The following SHISA9 variants were observed in gnomAD, a reference collection of about 807,000 sequenced individuals.
SHISA9 encodes the protein shisa family member 9.
SHISA9 carries 13 observed loss-of-function variants against 38.0 expected under a neutral mutation model. The ratio of observed to expected loss-of-function variants is 0.34; its 90% CI spans 0.22 to 0.54. The LOEUF is 0.54. Among genes scored for constraint, SHISA9 ranks in the 20% least tolerant of loss-of-function variants. The pLI is 0.91. For synonymous variants in SHISA9, 275 were observed against 242.0 expected, an observed-to-expected ratio of 1.14 and a Z score of -1.27; for missense variants, 538 against 575.8, an observed-to-expected ratio of 0.93 and a Z score of 0.67.
chr16:12,979,469 C>T (rs1206177200), intron 2 of SHISA9, among the ~76,000 whole-genome samples: 1 of 152,132 alleles, frequency 6.6e-6, no homozygotes, highest in African/African-American at 2.4e-5. Flanking sequence ...TGAGCCCATG[C>T]TCCAAACGAA....
At chr16:13,233,126 C>T (rs553199905) in intron 4 of SHISA9, among the ~76,000 whole-genome samples, 2 of 152,144 alleles carry the variant, frequency 1.3e-5, no homozygotes, top group South Asian at 2.1e-4. Flanking sequence ...AAGTAAGTCA[C>T]GATATATAGC....
the SHISA9 span, among the ~76,000 whole-genome samples, chr16:13,514,048 G>A: frequency 6.6e-6 from 1 of 152,142 alleles, no homozygotes; most frequent in African/African-American, 2.4e-5. Flanking sequence ...AGGCTGGAGT[G>A]CAGTGGCATG....
At position 13,001,505 on chromosome 16, in the gene SHISA9, A is replaced by G. The variant is rs913335670; in HGVS notation, c.691+84690A>G. Among the ~76,000 whole-genome samples the G allele has an allele frequency of 7.2e-5, 11 of 152,198 alleles. No homozygotes were observed. The East Asian group carries it at 2.1e-3, about 29-fold the overall frequency. ...AAGAATCTCCTCTAGAGAATTTAAA[A>G]TTGCAATGCCCCAAACTAATCTATG... On this transcript the variant is annotated intron_variant, in intron 2 of 4. Coordinates refer to ENST00000558583, the MANE Select transcript of SHISA9 (RefSeq NM_001145204.3).
intron 2 of SHISA9, among the ~76,000 whole-genome samples, chr16:13,163,779 A>G (rs1219885013): frequency 6.6e-6 from 1 of 152,080 alleles, no homozygotes; most frequent in Non-Finnish European, 1.5e-5. Flanking sequence ...TTAAATTTCA[A>G]TAGTCCATTA....
At chr16:13,450,772 T>TTTGTTGTTG in the SHISA9 span, among the ~76,000 whole-genome samples, 1 of 152,064 alleles carries the variant, frequency 6.6e-6, no homozygotes, top group Admixed American at 6.6e-5. Flanking sequence ...GTGTTGTTGT[T>TTTGTTGTTG]TTGTTGTTGT....
chr16:13,512,894 A>G, the SHISA9 span, among the ~76,000 whole-genome samples: 1 of 152,300 alleles, frequency 6.6e-6, no homozygotes, highest in South Asian at 2.1e-4. Context: ...AAAACCCAAA[A>G]CTATAAAAAC....
At chr16:13,088,030 T>C (rs2073732829) in intron 2 of SHISA9, among the ~76,000 whole-genome samples, 1 of 152,232 alleles carries the variant, frequency 6.6e-6, no homozygotes, top group Admixed American at 6.5e-5. Context: ...AGTTTCAGCT[T>C]TCTACATATG....
chr16:13,281,134 G>C, the SHISA9 span, among the ~76,000 whole-genome samples: 18 of 151,762 alleles, frequency 1.2e-4, no homozygotes, highest in African/African-American at 4.1e-4. Context: ...CAGAGATGAA[G>C]ATGGAGATGG....
chr16:13,279,753 A>C, the SHISA9 span, among the ~76,000 whole-genome samples: 1 of 151,898 alleles, frequency 6.6e-6, no homozygotes, highest in Admixed American at 6.6e-5. Context: ...CCCTGTGGTC[A>C]TGTCAGTATT....
chr16:12,913,299 C>G (rs948289931), intron 1 of SHISA9, among the ~76,000 whole-genome samples: 2 of 152,142 alleles, frequency 1.3e-5, no homozygotes, highest in South Asian at 2.1e-4. Flanking sequence ...TGGGTTCAAG[C>G]AATTCTCCTG....
chr16:12,948,716 G>A (rs999648080), intron 2 of SHISA9, among the ~76,000 whole-genome samples: 7 of 152,152 alleles, frequency 4.6e-5, no homozygotes, highest in Admixed American at 2.6e-4. Flanking sequence ...AGCTAATCAC[G>A]TCTGAAGGCC....
chr16:13,484,848 C>A, the SHISA9 span, among the ~76,000 whole-genome samples: 1 of 152,106 alleles, frequency 6.6e-6, no homozygotes, highest in African/African-American at 2.4e-5. Context: ...AGAACAGCAG[C>A]AAGGGGGACG....
intron 2 of SHISA9, among the ~76,000 whole-genome samples, chr16:12,985,667 T>C (rs1466688815): frequency 1.3e-5 from 2 of 151,998 alleles, no homozygotes. Context: ...TCCCTAAGGG[T>C]TTGGGATGAC....
chr16:13,194,185 C>T (rs12708766), intron 2 of SHISA9, among the ~76,000 whole-genome samples: 77,962 of 151,712 alleles, frequency 0.51, 21,304 homozygotes, highest in African/African-American at 0.71. Flanking sequence ...CAACCAAGTG[C>T]GGTCCTTAAT....
chr16:13,361,476 C>A, the SHISA9 span, among the ~76,000 whole-genome samples: 1 of 152,218 alleles, frequency 6.6e-6, no homozygotes. Flanking sequence ...ATTTTATGAG[C>A]TTTACAAGCT....
chr16:13,347,458 G>A, the SHISA9 span, among the ~76,000 whole-genome samples: 1 of 152,104 alleles, frequency 6.6e-6, no homozygotes, highest in Non-Finnish European at 1.5e-5. Context: ...ACCCACATAG[G>A]CTCACAGAAA....
Position 13,180,936 on chromosome 16 carries a change from G to A in SHISA9, c.692-22458G>A, listed in dbSNP as rs538139332. 4.0e-4 allele frequency among the ~76,000 whole-genome samples: 61 copies of A among 152,128 alleles called. 1 individual carries two copies. The highest frequency in any genetic ancestry group is 1.4e-3 in the African/African-American group (59 of 41,504). On this transcript the variant is annotated intron_variant, in intron 2 of 4. Transcript: ENST00000558583. ...GTCAATTGGAGTAACATTTGGAATC[G>A]TGCACTCAGTGTTAATTCACTATTT...
chr16:13,530,380 T>C, the SHISA9 span, among the ~76,000 whole-genome samples: 1 of 152,214 alleles, frequency 6.6e-6, no homozygotes, highest in Non-Finnish European at 1.5e-5. Context: ...CTCCCTGAAC[T>C]TCATTTTCCC....
chr16:13,448,871 G>A, the SHISA9 span, among the ~76,000 whole-genome samples: 1 of 152,160 alleles, frequency 6.6e-6, no homozygotes, highest in Non-Finnish European at 1.5e-5. Flanking sequence ...GGTGATAAGA[G>A]TGTAAATCTA....
Sources: gnomAD v4.1 joint callset for allele counts (sites outside exome capture counted in the v4.1 genomes callset) on GRCh38, gnomAD v4.1.1 for gene constraint, MANE v1.5 for transcripts, NCBI Gene and HGNC (gene_info 2026-07-23, HGNC 2026-07-21) for gene names.